The following SRPK2 variants were observed in gnomAD, a reference collection of about 807,000 sequenced individuals.
SRPK2 encodes SFRS protein kinase 2.
SRPK2 carries 21 observed loss-of-function variants against 90.8 expected under a neutral mutation model. The ratio of observed to expected loss-of-function variants is 0.23; its 90% confidence interval spans 0.16 to 0.33. SRPK2 has a LOEUF of 0.33. Ranked by LOEUF, SRPK2 falls within the 10% of genes least tolerant of loss-of-function variation. The pLI, the probability that SRPK2 is intolerant of heterozygous loss-of-function variation, is 1.00. For missense variants in SRPK2, 620 were observed against 869.0 expected (o/e 0.71, Z 3.60); for synonymous variants, 288 against 311.1 (o/e 0.93, Z 0.78).
chr7:105,301,468 C>A (rs1810545800), intron 2 of SRPK2: 1 of 981,714 alleles, frequency 1.0e-6, no homozygotes. Context: ...CTCGCTTTGT[C>A]TTCGTTGTTG....
chr7:105,279,165 G>GT (rs1265051816), intron 2 of SRPK2, among the ~76,000 whole-genome samples: 7 of 148,058 alleles, frequency 4.7e-5, no homozygotes, highest in African/African-American at 1.7e-4. Context: ...ACTATGTCAT[G>GT]TTCGCTCCAA....
intron 7 of SRPK2, among the ~76,000 whole-genome samples, chr7:105,151,754 T>A (rs991853193): frequency 6.6e-6 from 1 of 151,212 alleles, no homozygotes; most frequent in African/African-American, 2.4e-5. Flanking sequence ...GCTGGCACGA[T>A]GGCTCACACC....
rs1303183512 is a variant in SRPK2 at position 105,170,828 on chromosome 7, A to AAAGAAAGGAAGAAAGG, written c.230-1564_230-1563insCCTTTCTTCCTTTCTT. Among the ~76,000 whole-genome samples the AAAGAAAGGAAGAAAGG allele has an allele frequency of 1.0e-4, 10 of 96,776 alleles. 1 individual carries two copies. The highest frequency in any genetic ancestry group is 4.7e-4 in the African/African-American group (10 of 21,502). 63.5% of individuals were successfully genotyped at this position (96,776 alleles called of 152,430 possible). On this transcript the variant is annotated intron_variant, in intron 3 of 15. Coordinates refer to ENST00000393651, the MANE Select transcript of SRPK2 (RefSeq NM_182692.3). ...GGGAGAGAGAGAGGGAGAGAAAGAG[A>AAAGAAAGGAAGAAAGG]AAGAAAGGAAGAAAGAAAGAAAGAA...
At chr7:105,166,105 C>T (rs1178959667) in intron 6 of SRPK2, among the ~76,000 whole-genome samples, 2 of 152,210 alleles carry the variant, frequency 1.3e-5, no homozygotes, top group Non-Finnish European at 2.9e-5. Flanking sequence ...AACACCTACA[C>T]TTATAGCTGA....
chr7:105,207,604 G>T (rs1308313871), intron 2 of SRPK2, among the ~76,000 whole-genome samples: 8 of 152,110 alleles, frequency 5.3e-5, no homozygotes, highest in Non-Finnish European at 1.2e-4. Context: ...TTCAACAGTG[G>T]TACTACAACA....
rs370084290 is a variant in SRPK2, at chr7:105,374,099, A to G, written c.71+14549T>C. Among the ~76,000 whole-genome samples the G allele has an allele frequency of 2.0e-4, 31 of 151,254 alleles. 1 individual carries two copies. The highest frequency in any genetic ancestry group is 1.2e-3 in the East Asian group (6 of 5,076). On this transcript the variant is annotated intron_variant, in intron 2 of 15. Coordinates refer to ENST00000393651, the MANE Select transcript of SRPK2 (RefSeq NM_182692.3). ...ATGCCACCACGCCCAGCTAATTTTT[A>G]TATTTTTAGTAGAGACGGGGTTTCA... is the stretch of plus-strand genomic sequence containing the variant.
chr7:105,199,561 G>C lies in SRPK2; in HGVS notation c.229+4067C>G, dbSNP rs181612475. The stretch of plus-strand genomic sequence containing the variant: ...GGTGAGAAGGGAAGGGAGAGACATA[G>C]TGATGGTGACTGGTGATTCATACCA... On this transcript the variant is annotated intron_variant, in intron 3 of 15. Coordinates refer to ENST00000393651, the MANE Select transcript of SRPK2 (RefSeq NM_182692.3). Among the ~76,000 whole-genome samples the C allele has an allele frequency of 4.6e-5, 7 of 152,284 alleles. 1 individual carries two copies. Among genetic ancestry groups the C allele is most frequent in the Admixed American group, 4.6e-4 (7 of 15,296 alleles).
chr7:105,271,736 G>C (rs1017398405), intron 2 of SRPK2, among the ~76,000 whole-genome samples: 1 of 152,132 alleles, frequency 6.6e-6, no homozygotes, highest in African/African-American at 2.4e-5. Context: ...CCGTTCCCTT[G>C]ACCATGCTCA....
At chr7:105,388,929 C>A (rs1157631808), upstream of SRPK2, 2 of 1,194,302 alleles carry the variant, frequency 1.7e-6, no homozygotes, top group African/African-American at 3.2e-5. Context: ...CCTGCGCCGC[C>A]GCCGCCGCCG....
At chr7:105,247,851 T>G (rs914089973) in intron 2 of SRPK2, among the ~76,000 whole-genome samples, 6 of 151,904 alleles carry the variant, frequency 3.9e-5, no homozygotes, top group Admixed American at 2.0e-4. Context: ...GCATGAGCTG[T>G]CATGCTTGGC....
intron 2 of SRPK2, among the ~76,000 whole-genome samples, chr7:105,207,043 T>C (rs1796311156): frequency 6.6e-6 from 1 of 152,264 alleles, no homozygotes; most frequent in Admixed American, 6.5e-5. Flanking sequence ...CCCTCCATCC[T>C]TGTTACTGTC....
At chr7:105,318,497 C>T (rs1812559753) in intron 2 of SRPK2, among the ~76,000 whole-genome samples, 1 of 152,222 alleles carries the variant, frequency 6.6e-6, no homozygotes, top group Admixed American at 6.5e-5. Context: ...CATTAAAAGG[C>T]TCTTTGGGCT....
At chr7:105,348,260 G>A (rs1270646986) in intron 2 of SRPK2, among the ~76,000 whole-genome samples, 1 of 151,250 alleles carries the variant, frequency 6.6e-6, no homozygotes, top group African/African-American at 2.4e-5. Context: ...TAATAGAAAC[G>A]GGGTTTCTCC....
chr7:105,146,502 C>G lies in SRPK2; in HGVS notation c.778G>C (p.Gly260Arg). 6.2e-7 allele frequency: 1 copy of G among 1,614,144 alleles called. No individual in the cohort carries two copies. Among genetic ancestry groups the G allele is most frequent in the Non-Finnish European group, 8.5e-7 (1 of 1,180,004 alleles). The stretch of plus-strand genomic sequence containing the variant: ...GGCTCAGCTCCCTCACCTGCAGACC[C>G]TGAAGGAGGAGGAGCACCTGCTTTC... The part of the protein sequence containing the change: ...WQKAGAPPPS[G>R]SAVSTAPQQK... The change falls in exon 8 of 16, where the codon GGG (glycine) becomes CGG (arginine). Residue 260 changes from glycine (G) to arginine (R), a missense_variant. Transcript: ENST00000393651.
chr7:105,370,828 C>G (rs1434898391), intron 2 of SRPK2, among the ~76,000 whole-genome samples: 1 of 151,936 alleles, frequency 6.6e-6, no homozygotes, highest in East Asian at 1.9e-4. Context: ...GTTGCCCAGG[C>G]TGGTCTTGAA....
At chr7:105,321,633 C>A (rs750856982) in intron 2 of SRPK2, among the ~76,000 whole-genome samples, 1 of 151,590 alleles carries the variant, frequency 6.6e-6, no homozygotes, top group Non-Finnish European at 1.5e-5. Flanking sequence ...ATAAAATGAG[C>A]GAAAGATTTT....
At chr7:105,231,025 GATT>G (rs1323904435) in intron 2 of SRPK2, among the ~76,000 whole-genome samples, 7 of 152,166 alleles carry the variant, frequency 4.6e-5, no homozygotes, top group Admixed American at 1.3e-4. Context: ...TTGTTGTACA[GATT>G]ATTGTAGTAA....
chr7:105,154,118 C>T (rs943811548), intron 7 of SRPK2, among the ~76,000 whole-genome samples: 26 of 152,246 alleles, frequency 1.7e-4, no homozygotes, highest in Admixed American at 9.2e-4. Context: ...ATAGCCTCTG[C>T]TCCTTTTTCT....
chr7:105,319,582 T>G (rs1397612128), intron 2 of SRPK2, among the ~76,000 whole-genome samples: 1 of 145,260 alleles, frequency 6.9e-6, no homozygotes, highest in Non-Finnish European at 1.5e-5. Context: ...ACTTTTCCGG[T>G]TAAAGGAAAC....
Sources: gnomAD v4.1 joint callset for allele counts (sites outside exome capture counted in the v4.1 genomes callset) on GRCh38, gnomAD v4.1.1 for gene constraint, MANE v1.5 for transcripts, NCBI Gene and HGNC (gene_info 2026-07-23, HGNC 2026-07-21) for gene names.